CHFR: variants seen among roughly 807,000 people sequenced by gnomAD.
The protein encoded by CHFR is E3 ubiquitin-protein ligase CHFR.
CHFR carries 57 observed loss-of-function variants against 87.6 expected under a neutral mutation model. The ratio of observed to expected loss-of-function variants is 0.65; its 90% CI spans 0.53 to 0.81. The LOEUF is 0.81. Among genes scored for constraint, CHFR ranks in the 30% least tolerant of loss-of-function variants. CHFR has a pLI of 0.00. For missense variants in CHFR, 797 were observed against 865.8 expected, an observed-to-expected ratio of 0.92 and a Z score of 1.00; for synonymous variants, 381 against 359.2, an observed-to-expected ratio of 1.06 and a Z score of -0.69.
intron 2 of CHFR, among the ~76,000 whole-genome samples, chr12:132,881,470 G>A (rs539625713): frequency 3.0e-4 from 46 of 152,210 alleles, no homozygotes; most frequent in African/African-American, 1.1e-3. Context: ...AGATATGGAT[G>A]GCAAATTAAG....
rs1291461902 is a variant in CHFR, at chr12:132,833,245, AAAG to A, written c.*8306_*8308del. On this transcript the variant is annotated 3_prime_UTR_variant, in exon 18 of 18. Coordinates refer to ENST00000450056, the MANE Select transcript of CHFR (RefSeq NM_001161346.2). ...ACCTTCAGAGGGCGGTAACTGATGAAAAGAAAATAAAACTGGGTGAAGCGTTCG... is the reference window on the plus strand; with the variant it reads ...ACCTTCAGAGGGCGGTAACTGATGAAAAAATAAAACTGGGTGAAGCGTTCG... 1 of 152,190 alleles carries A rather than the reference AAAG, an allele frequency of 6.6e-6. No homozygotes were observed. Among genetic ancestry groups the A allele is most frequent in the Non-Finnish European group, 1.5e-5 (1 of 68,044 alleles). 9.4% of individuals were successfully genotyped at this position (152,190 alleles called of 1,614,324 possible). A position where few individuals can be genotyped will look rare whatever the true frequency, so the allele number is the denominator to read the frequency against.
intron 15 of CHFR, among the ~76,000 whole-genome samples, chr12:132,846,242 T>C (rs61952802): frequency 0.15 from 22,847 of 149,830 alleles, 2,250 homozygotes; most frequent in South Asian, 0.22. Context: ...GAATATGTCA[T>C]ACAGGTTCAT....
chr12:132,877,833 C>T (rs568719593), intron 2 of CHFR, among the ~76,000 whole-genome samples, 179 bp from the exon 3 acceptor site: 10 of 151,284 alleles, frequency 6.6e-5, no homozygotes, highest in African/African-American at 2.4e-4. Context: ...GACGGAGTCT[C>T]GCTCTGTCGC....
chr12:132,882,759 G>T (rs11147143), intron 2 of CHFR, among the ~76,000 whole-genome samples: 25,978 of 151,216 alleles, frequency 0.17, 2,333 homozygotes, highest in South Asian at 0.23. Flanking sequence ...CAGCTGTGGT[G>T]CAGTGGAGCA....
intron 2 of CHFR, among the ~76,000 whole-genome samples, chr12:132,880,330 A>G (rs1951737449): frequency 6.6e-6 from 1 of 152,162 alleles, no homozygotes; most frequent in South Asian, 2.1e-4. Context: ...ACAAACCAGG[A>G]AAAAATAATA....
At chr12:132,848,591 A>C (rs1212672563) in intron 13 of CHFR, 50 bp downstream of exon 13, 2 of 1,413,532 alleles carry the variant, frequency 1.4e-6, no homozygotes, top group East Asian at 5.0e-5. Flanking sequence ...AAGTTCACCA[A>C]GAGAACATGC....
chr12:132,885,382 G>T (rs1167306449), intron 2 of CHFR, among the ~76,000 whole-genome samples: 1 of 151,376 alleles, frequency 6.6e-6, no homozygotes, highest in African/African-American at 2.4e-5. Flanking sequence ...CTGCACTCCA[G>T]CCTGGGTGAT....
chr12:132,866,442 G>A (rs1017165370), intron 6 of CHFR: 14 of 151,346 alleles, frequency 9.3e-5, no homozygotes, highest in African/African-American at 1.7e-4. Context: ...ACCCTGGAAC[G>A]TTACAACACA....
At chr12:132,849,651 A>C (rs143267510) in intron 12 of CHFR, 1,647 of 150,608 alleles carry the variant, frequency 0.011, 10 homozygotes, top group Non-Finnish European at 0.016. Flanking sequence ...GCTGGAGTAT[A>C]GTGGAGCAAT....
intron 12 of CHFR, among the ~76,000 whole-genome samples, chr12:132,850,992 T>C (rs963782606): frequency 1.4e-5 from 2 of 143,510 alleles, no homozygotes; most frequent in African/African-American, 5.2e-5. Context: ...TATATATATA[T>C]ATATATGTTT....
chr12:132,843,921 C>G, intron 16 of CHFR, 106 bp downstream of exon 16: 1 of 674,744 alleles, frequency 1.5e-6, no homozygotes, highest in Non-Finnish European at 2.6e-6. Context: ...TGCACTCCAG[C>G]CTGGGCAAAA....
intron 16 of CHFR, 80 bp downstream of exon 16, chr12:132,843,947 C>CAAA (rs150643970): frequency 1.2e-5 from 9 of 751,344 alleles, no homozygotes; most frequent in Admixed American, 2.4e-5. Context: ...GAAACTGTCT[C>CAAA]AAAAAAAAAA....
rs1030977492 is a variant in CHFR at position 132,841,248 on chromosome 12, A to G, written c.*306T>C. ...ACTGTAGTTTCGGAAAATGTACAAA[A>G]GAGCAAAACTGCCCCTCTCGGCGGG... On this transcript the variant is annotated 3_prime_UTR_variant, in exon 18 of 18. Transcript: ENST00000450056. The G allele has an allele frequency of 2.6e-5, 8 of 313,048 alleles. No homozygotes were observed. The highest frequency in any genetic ancestry group is 4.7e-5 in the Non-Finnish European group (8 of 169,672). 19.4% of individuals were successfully genotyped at this position (313,048 alleles called of 1,614,324 possible). A position where few individuals can be genotyped will look rare whatever the true frequency, so the allele number is the denominator to read the frequency against.
At chr12:132,882,417 C>A (rs1951790193) in intron 2 of CHFR, among the ~76,000 whole-genome samples, 1 of 152,268 alleles carries the variant, frequency 6.6e-6, no homozygotes, top group Admixed American at 6.5e-5. Context: ...CTTGACTGCA[C>A]TGGTGAGTAC....
At chr12:132,855,083 A>C (rs1192125713) in intron 10 of CHFR, 1 of 152,046 alleles carries the variant, frequency 6.6e-6, no homozygotes, top group Non-Finnish European at 1.5e-5. Flanking sequence ...CTTTACTAAA[A>C]ACACAAAAAT....
At chr12:132,862,478 C>A in intron 6 of CHFR, 1 of 437,818 alleles carries the variant, frequency 2.3e-6, no homozygotes, top group Non-Finnish European at 4.6e-6. Context: ...ACAGTACGAG[C>A]ATATGGTCCC....
chr12:132,836,767 C>T lies in CHFR; in HGVS notation c.*4787G>A, dbSNP rs1484324450. ...CAGAGGAAGGGGCGCCTGTTTGTGC[C>T]GCGGGAAAGATTTCAAGCCCAGGGG... On this transcript the variant is annotated 3_prime_UTR_variant, in exon 18 of 18. Transcript: ENST00000450056. 4 of 455,948 alleles carry T rather than the reference C, an allele frequency of 8.8e-6. No individual in the cohort carries two copies. The highest frequency in any genetic ancestry group is 2.0e-5 in the African/African-American group (1 of 50,118). The allele number at this position is 455,948 out of a possible 1,614,324, so 28.2% of individuals were successfully genotyped here.
intron 15 of CHFR, among the ~76,000 whole-genome samples, chr12:132,845,666 A>G (rs1950805723): frequency 1.3e-5 from 2 of 151,960 alleles, no homozygotes; most frequent in Non-Finnish European, 2.9e-5. Context: ...ATATTTCTAC[A>G]GCCTCCCTTA....
chr12:132,872,247 G>A (rs763959401), intron 4 of CHFR, 38 bp downstream of exon 4: 45 of 1,374,060 alleles, frequency 3.3e-5, no homozygotes, highest in Admixed American at 5.0e-5. Context: ...GTGCACCCCC[G>A]TGCGGGTCTG....
Sources: gnomAD v4.1 joint callset for allele counts (sites outside exome capture counted in the v4.1 genomes callset) on GRCh38, gnomAD v4.1.1 for gene constraint, MANE v1.5 for transcripts, NCBI Gene and HGNC (gene_info 2026-07-23, HGNC 2026-07-21) for gene names.